The following AGTPBP1 variants were observed in gnomAD, a reference collection of about 807,000 sequenced individuals.
AGTPBP1 encodes cytosolic carboxypeptidase 1.
Under a neutral mutation model 143.9 loss-of-function variants are expected in AGTPBP1, and 70 were observed. The ratio of observed to expected loss-of-function variants is 0.49; its 90% confidence interval spans 0.40 to 0.59. The LOEUF is 0.59. Ranked by LOEUF, AGTPBP1 falls within the 20% of genes least tolerant of loss-of-function variation. The probability of loss-of-function intolerance (pLI) is 0.00; values close to 1 mark genes in which losing one functional copy is unlikely to be tolerated. For missense variants in AGTPBP1, 1,229 were observed against 1,464.5 expected, an observed-to-expected ratio of 0.84 and a Z score of 2.62; for synonymous variants, 463 against 500.2, an observed-to-expected ratio of 0.93 and a Z score of 0.99.
At chr9:85,685,031 T>C (rs1835408226) in intron 3 of AGTPBP1, among the ~76,000 whole-genome samples, 1 of 149,276 alleles carries the variant, frequency 6.7e-6, no homozygotes, top group East Asian at 1.9e-4. Context: ...GAAGGATGCA[T>C]AGGAAAGAGG....
At chr9:85,741,330 A>G in intron 1 of AGTPBP1, 1 of 985,378 alleles carries the variant, frequency 1.0e-6, no homozygotes, top group Non-Finnish European at 1.2e-6. Flanking sequence ...CCCGCGATTC[A>G]GCGGCCCGCT....
intron 2 of AGTPBP1, among the ~76,000 whole-genome samples, chr9:85,712,217 T>A (rs1258425982): frequency 1.3e-5 from 2 of 151,900 alleles, no homozygotes; most frequent in African/African-American, 4.8e-5. Flanking sequence ...TGAGCCGAGA[T>A]CGTGCCACTG....
At chr9:85,727,442 G>T (rs1245542728) in intron 1 of AGTPBP1, among the ~76,000 whole-genome samples, 1 of 152,188 alleles carries the variant, frequency 6.6e-6, no homozygotes, top group Non-Finnish European at 1.5e-5. Context: ...CTCCAAAAAA[G>T]TATTAACTGT....
rs185907120 is a variant in AGTPBP1 at position 85,693,653 on chromosome 9, T to C, written c.33-840A>G. ...ACTGATCTAGGTGTTGTCAATATAG[T>C]GTAAACAAAACAAGCAAAAACTCCT... On this transcript the variant is annotated intron_variant, in intron 2 of 25. Coordinates refer to ENST00000357081, the MANE Select transcript of AGTPBP1 (RefSeq NM_001330701.2). Among the ~76,000 whole-genome samples, 338 of 152,170 alleles carry C rather than the reference T, an allele frequency of 2.2e-3. 3 individuals are homozygous for C. Among genetic ancestry groups the C allele is most frequent in the African/African-American group, 7.8e-3 (323 of 41,520 alleles).
rs540647479 is a variant in AGTPBP1 at position 85,649,808 on chromosome 9, T to C, written c.1088-3390A>G. ...TGATCATTTGGTTTTGTCCCTTTGA[T>C]CTACTGATAATATATTTTACTAATT... On this transcript the variant is annotated intron_variant, in intron 11 of 25. Transcript: ENST00000357081. Among the ~76,000 whole-genome samples the C allele has an allele frequency of 2.0e-5, 3 of 152,280 alleles. No individual in the cohort carries two copies. In the South Asian group the frequency reaches 6.2e-4, roughly 32 times the overall value.
chr9:85,790,632 A>T, the AGTPBP1 span, among the ~76,000 whole-genome samples: 13 of 152,194 alleles, frequency 8.5e-5, no homozygotes, highest in Non-Finnish European at 1.6e-4. Flanking sequence ...GTCTGTTTTT[A>T]TATTTCCTTC....
At chr9:85,773,911 G>A in the AGTPBP1 span, 59 of 1,606,384 alleles carry the variant, frequency 3.7e-5, no homozygotes, top group South Asian at 2.2e-4. Context: ...GTTCTGGAAC[G>A]GGATAATATG....
At chr9:85,706,125 CCAA>C (rs1238080801) in intron 2 of AGTPBP1, among the ~76,000 whole-genome samples, 1 of 150,362 alleles carries the variant, frequency 6.7e-6, no homozygotes, top group African/African-American at 2.5e-5. Context: ...AGGAGCTACG[CCAA>C]CGAGAAGATG....
chr9:85,657,187 A>T (rs888467253), intron 10 of AGTPBP1, among the ~76,000 whole-genome samples: 18 of 149,268 alleles, frequency 1.2e-4, no homozygotes, highest in African/African-American at 3.5e-4. Flanking sequence ...ATAATAATAA[A>T]AAAAAAATAA....
intron 2 of AGTPBP1, among the ~76,000 whole-genome samples, chr9:85,696,940 G>T (rs575516286): frequency 2.0e-5 from 3 of 152,094 alleles, no homozygotes; most frequent in Admixed American, 2.0e-4. Context: ...AAATAATATG[G>T]TTTTATTTCC....
intron 7 of AGTPBP1, among the ~76,000 whole-genome samples, chr9:85,670,244 A>G (rs1307360015): frequency 6.6e-6 from 1 of 152,316 alleles, no homozygotes; most frequent in African/African-American, 2.4e-5. Context: ...AGATACACAA[A>G]TAGGAAGATG....
rs778431392 is a variant in AGTPBP1, at chr9:85,657,482, C to T, written c.862G>A (p.Ala288Thr). The T allele has an allele frequency of 1.9e-6, 3 of 1,613,664 alleles. No individual in the cohort carries two copies. The highest frequency in any genetic ancestry group is 2.2e-5 in the South Asian group (2 of 91,072). ...TTCATCCCATTGGCATCAATAAATG[C>T]TTTTCTTCCCAACTTGATGTTTGTA... ...SVTNIKLGRKAFIDANGMKIL... is the reference protein window; with the variant it reads ...SVTNIKLGRKTFIDANGMKIL... The change falls in exon 10 of 26, where the codon GCA becomes ACA. Residue 288 changes from alanine to threonine, a missense_variant. Physicochemically the swap from Ala to Thr is moderately conservative, Grantham distance 58. Around this residue, in one of 2 missense-constraint regions of AGTPBP1, gnomAD observed 743 missense variants for 812.2 expected, o/e 0.91. Coordinates refer to ENST00000357081, the MANE Select transcript of AGTPBP1 (RefSeq NM_001330701.2).
At chr9:85,650,041 C>G (rs1431486239) in intron 11 of AGTPBP1, among the ~76,000 whole-genome samples, 1 of 110,786 alleles carries the variant, frequency 9.0e-6, no homozygotes, top group Non-Finnish European at 1.8e-5. Context: ...TCTAAACTTT[C>G]CTTTTTTTTT....
chr9:85,741,351 C>CG (rs1824252634), intron 1 of AGTPBP1: 1 of 984,028 alleles, frequency 1.0e-6, no homozygotes, highest in South Asian at 4.8e-5. Context: ...ACCACTGGGG[C>CG]GGGGGAGAGC....
Position 85,639,090 on chromosome 9 carries a change from A to T in AGTPBP1, c.1302+3737T>A, listed in dbSNP as rs1832275809. On this transcript the variant is annotated intron_variant, in intron 13 of 25. Coordinates refer to ENST00000357081, the MANE Select transcript of AGTPBP1 (RefSeq NM_001330701.2). ...CGAGTCTCAAAATTTTTAAAAGGTT[A>T]TGATTACAAAGACTGTGTCTTCTTA... Among the ~76,000 whole-genome samples, 3 of 152,304 alleles carry T rather than the reference A, an allele frequency of 2.0e-5. No individual in the cohort carries two copies. In the South Asian group the frequency reaches 6.2e-4, roughly 32 times the overall value.
upstream of AGTPBP1, chr9:85,742,025 C>G: frequency 8.3e-7 from 1 of 1,199,578 alleles, no homozygotes; most frequent in East Asian, 3.5e-5. Flanking sequence ...TCCCAGCACG[C>G]GCAGGGAGTG....
At position 85,578,926 on chromosome 9, in the gene AGTPBP1, T is replaced by C. The variant is rs1162777582; in HGVS notation, c.3336A>G (p.Lys1112=). ...ESTLCGCDQG[K]YKGLQIGTRE... ...AAAACCTAAGATGTTTTACCTTGTATTTTCCCTGATCACAGCCACATAAAG... is the reference window on the plus strand; with the variant it reads ...AAAACCTAAGATGTTTTACCTTGTACTTTCCCTGATCACAGCCACATAAAG... The change falls in exon 24 of 26, where the codon AAA becomes AAG. Residue 1112 remains lysine (K), a synonymous_variant. Transcript: ENST00000357081. 9.9e-6 allele frequency: 16 copies of C among 1,612,638 alleles called. No individual in the cohort carries two copies. Among genetic ancestry groups the C allele is most frequent in the Non-Finnish European group, 1.4e-5 (16 of 1,179,514 alleles).
chr9:85,574,998 T>C (rs1486112736), intron 25 of AGTPBP1, among the ~76,000 whole-genome samples: 1 of 152,182 alleles, frequency 6.6e-6, no homozygotes, highest in Non-Finnish European at 1.5e-5. Flanking sequence ...CATGAGCCAC[T>C]GCACTCAGCT....
At chr9:85,689,438 A>G (rs62569235) in intron 3 of AGTPBP1, among the ~76,000 whole-genome samples, 2,546 of 152,306 alleles carry the variant, frequency 0.017, 26 homozygotes, top group Middle Eastern at 0.054. Flanking sequence ...TATTCATAAT[A>G]GCTGCATAAT....
Sources: allele counts gnomAD v4.1 joint callset (sites outside exome capture counted in the v4.1 genomes callset), GRCh38; gene constraint gnomAD v4.1.1; regional missense constraint gnomAD v4.1.1; transcripts MANE v1.5; gene names NCBI Gene and HGNC (gene_info 2026-07-23, HGNC 2026-07-21).